The following CYP4F2 variants were observed in gnomAD, a reference collection of about 807,000 sequenced individuals.
The protein encoded by CYP4F2 is cytochrome P450 4F2.
In CYP4F2, 58 loss-of-function variants were observed where a neutral mutation model predicts 58.9. That is an observed-to-expected ratio of 0.98 (90% CI 0.80 to 1.23). The LOEUF is 1.23. Among genes scored for constraint, CYP4F2 ranks in the 50% most tolerant of loss-of-function variants. The probability of loss-of-function intolerance (pLI) is 0.00; values close to 1 mark genes in which losing one functional copy is unlikely to be tolerated. For synonymous variants in CYP4F2, 287 were observed against 261.1 expected (o/e 1.10, Z -0.95); for missense variants, 616 against 685.6 (o/e 0.90, Z 1.13).
At chr19:15,882,378 G>C (rs1222330748) in intron 9 of CYP4F2, among the ~76,000 whole-genome samples, 1 of 152,186 alleles carries the variant, frequency 6.6e-6, no homozygotes, top group Admixed American at 6.5e-5. Context: ...AGTTAGACAA[G>C]AGGAATAGTT....
chr19:15,882,258 A>T (rs2089350544), intron 9 of CYP4F2, among the ~76,000 whole-genome samples: 1 of 151,812 alleles, frequency 6.6e-6, no homozygotes, highest in African/African-American at 2.4e-5. Flanking sequence ...AATGAAAAAA[A>T]AAAGAAAGAA....
chr19:15,881,252 A>C (rs963394232), intron 9 of CYP4F2, among the ~76,000 whole-genome samples: 3 of 152,244 alleles, frequency 2.0e-5, no homozygotes, highest in African/African-American at 7.2e-5. Flanking sequence ...TGTGCATTCA[A>C]CATAGGAATG....
rs144945582 is a variant in CYP4F2, at chr19:15,892,308, C to T, written c.525+1G>A. 5.6e-6 allele frequency: 9 copies of T among 1,614,042 alleles called. No homozygotes were observed. Among genetic ancestry groups the T allele is most frequent in the African/African-American group, 2.7e-5 (2 of 74,910 alleles). On this transcript the variant is annotated splice_donor_variant, in intron 5 of 12. Coordinates refer to ENST00000221700, the MANE Select transcript of CYP4F2 (RefSeq NM_001082.5). LOFTEE classifies it high-confidence loss of function. ...TGGGACCTTGGCTTCAAATAACTCA[C>T]GTGCATGATGTTCACACTCTCATTG...
rs1255936995 is a variant in CYP4F2, at chr19:15,892,515, C to T, written c.397+14G>A. ...CAACGTTTTTCCCAACCCTGTTCAC[C>T]TGCAGATACTCACCCAGCCAGGGCT... On this transcript the variant is annotated intron_variant, in intron 4 of 12. Transcript: ENST00000221700. 1 of 1,614,082 alleles carries T rather than the reference C, an allele frequency of 6.2e-7. No homozygotes were observed. Among genetic ancestry groups the T allele is most frequent in the Non-Finnish European group, 8.5e-7 (1 of 1,179,970 alleles).
At chr19:15,885,224 A>G (rs1599350505) in intron 9 of CYP4F2, among the ~76,000 whole-genome samples, 1 of 151,666 alleles carries the variant, frequency 6.6e-6, no homozygotes, top group African/African-American at 2.4e-5. Context: ...TCTACTGATC[A>G]TTATTTAGGC....
chr19:15,887,647 T>C (rs1398824514), intron 7 of CYP4F2, among the ~76,000 whole-genome samples: 84 of 105,010 alleles, frequency 8.0e-4, no homozygotes, highest in South Asian at 1.3e-3. Flanking sequence ...CTTAGAAACA[T>C]GGACACACAA....
rs1599353197 is a variant in CYP4F2 at position 15,888,838 on chromosome 19, T to C, written c.918+585A>G. Among the ~76,000 whole-genome samples the C allele has an allele frequency of 2.6e-5, 4 of 151,754 alleles. No individual in the cohort carries two copies. The South Asian group carries it at 8.3e-4, about 32-fold the overall frequency. On this transcript the variant is annotated intron_variant, in intron 7 of 12. Coordinates refer to ENST00000221700, the MANE Select transcript of CYP4F2 (RefSeq NM_001082.5). The stretch of plus-strand genomic sequence containing the variant: ...TAGACACAGACAAAAAACATGGACA[T>C]AGACATACACTGAGACAAAGACACA...
chr19:15,896,273 T>TCTAG (rs2089448162), intron 2 of CYP4F2, among the ~76,000 whole-genome samples: 2 of 147,362 alleles, frequency 1.4e-5, no homozygotes. Flanking sequence ...TATCTATCTA[T>TCTAG]CTACATTCCT....
chr19:15,897,282 A>T, intron 2 of CYP4F2, 132 bp downstream of exon 2: 1 of 952,570 alleles, frequency 1.0e-6, no homozygotes, highest in Non-Finnish European at 1.6e-6. Flanking sequence ...CAGAGGAATG[A>T]GTAAGATGCC....
chr19:15,887,668 A>T (rs1180406290), intron 7 of CYP4F2, among the ~76,000 whole-genome samples: 2 of 151,834 alleles, frequency 1.3e-5, no homozygotes, highest in Admixed American at 1.3e-4. Flanking sequence ...ATACACATAA[A>T]CATAGACATA....
chr19:15,896,157 C>G (rs1350336548), intron 2 of CYP4F2, among the ~76,000 whole-genome samples: 2 of 152,072 alleles, frequency 1.3e-5, no homozygotes, highest in Non-Finnish European at 1.5e-5. Context: ...TATTATCTAT[C>G]TACCTACGTG....
chr19:15,895,516 G>C lies in CYP4F2; in HGVS notation c.333C>G (p.Ile111Met), dbSNP rs2089442315. 6.6e-7 allele frequency: 1 copy of C among 1,525,870 alleles called. No homozygotes were observed. The highest frequency in any genetic ancestry group is 1.4e-5 in the African/African-American group (1 of 69,214). The allele number at this position is 1,525,870 out of a possible 1,614,324, so 94.5% of individuals were successfully genotyped here. The change falls in exon 3 of 13, where the codon ATC becomes ATG. Residue 111 changes from isoleucine to methionine, a missense_variant. Coordinates refer to ENST00000221700, the MANE Select transcript of CYP4F2 (RefSeq NM_001082.5). ...TGTTCCAGATGGTACCTGAGGCGTT[G>C]ATGACAGACCGGATGATGTCGGGGT... Reference protein sequence around the residue: ...LCHPDIIRSVINASAAIAPKD... With the variant: ...LCHPDIIRSVMNASAAIAPKD...
intron 9 of CYP4F2, among the ~76,000 whole-genome samples, chr19:15,881,488 T>C (rs1323671094): frequency 6.6e-6 from 1 of 151,872 alleles, no homozygotes; most frequent in Non-Finnish European, 1.5e-5. Context: ...GACAGATACA[T>C]ACATAGATGA....
At chr19:15,882,533 CA>C in intron 9 of CYP4F2, among the ~76,000 whole-genome samples, 1 of 139,586 alleles carries the variant, frequency 7.2e-6, no homozygotes, top group Non-Finnish European at 1.5e-5. Context: ...TTAATAATTT[CA>C]GGTTGTATAC....
In CYP4F2 at chr19:15,885,910, G is replaced by A. The variant is rs1281306272; in HGVS notation, c.1115+14C>T. On this transcript the variant is annotated intron_variant, in intron 9 of 12. Coordinates refer to ENST00000221700, the MANE Select transcript of CYP4F2 (RefSeq NM_001082.5). ...AGAAGGTCTCAGGAAGAGGCCACAA[G>A]CACCTGCACTCACCATTCAATCTCT... The A allele has an allele frequency of 1.2e-6, 2 of 1,610,346 alleles. No individual in the cohort carries two copies. Among genetic ancestry groups the A allele is most frequent in the African/African-American group, 2.7e-5 (2 of 74,944 alleles).
chr19:15,880,066 A>T (rs1195291797), intron 9 of CYP4F2, among the ~76,000 whole-genome samples, 169 bp from the exon 10 acceptor site: 1 of 152,220 alleles, frequency 6.6e-6, no homozygotes, highest in Non-Finnish European at 1.5e-5. Context: ...GGCAAAAATG[A>T]GAAAACAGAC....
At chr19:15,878,957 C>T (rs2089324726) in intron 12 of CYP4F2, 21 bp from the exon 13 acceptor site, 7 of 1,610,032 alleles carry the variant, frequency 4.3e-6, no homozygotes, top group African/African-American at 1.3e-5. Flanking sequence ...GAGGTGGGAA[C>T]TCTGACTGCA....
intron 9 of CYP4F2, 28 bp downstream of exon 9, chr19:15,885,896 G>A (rs1239733999): frequency 6.2e-7 from 1 of 1,605,978 alleles, no homozygotes; most frequent in South Asian, 1.1e-5. Flanking sequence ...GAAGGTCTCA[G>A]GAAGAGGCCA....
intron 9 of CYP4F2, 145 bp from the exon 10 acceptor site, chr19:15,880,042 T>C (rs2089334390): frequency 1.3e-6 from 2 of 1,545,794 alleles, no homozygotes; most frequent in Non-Finnish European, 8.7e-7. Context: ...AGAATAAAAA[T>C]AGTGTGGCAC....
Sources: gnomAD v4.1 joint callset for allele counts (sites outside exome capture counted in the v4.1 genomes callset) on GRCh38, gnomAD v4.1.1 for gene constraint, MANE v1.5 for transcripts, NCBI Gene and HGNC (gene_info 2026-07-23, HGNC 2026-07-21) for gene names.